The following CFAP69 variants were observed in gnomAD, a reference collection of about 807,000 sequenced individuals.
The protein encoded by CFAP69 is cilia and flagella associated protein 69.
CFAP69 carries 92 observed loss-of-function variants against 123.0 expected under a neutral mutation model. The ratio of observed to expected loss-of-function variants is 0.75; its 90% confidence interval spans 0.63 to 0.89. The LOEUF (loss-of-function observed/expected upper bound fraction) is 0.89, where lower values mean the gene tolerates loss of function less well. CFAP69 is among the 40% of genes least tolerant of loss of function. CFAP69 has a pLI of 0.00. For synonymous variants in CFAP69, 380 were observed against 364.3 expected, an observed-to-expected ratio of 1.04 and a Z score of -0.49; for missense variants, 1,067 against 1,096.9, an observed-to-expected ratio of 0.97 and a Z score of 0.39.
chr7:90,246,606 T>C (rs1358270520), intron 1 of CFAP69, among the ~76,000 whole-genome samples: 2 of 152,230 alleles, frequency 1.3e-5, no homozygotes, highest in Non-Finnish European at 2.9e-5. Context: ...CTAATCGATT[T>C]TGTGGACCTA....
In CFAP69 at chr7:90,268,346, A is replaced by G. The variant is rs764795583; in HGVS notation, c.494A>G (p.Asp165Gly). ...ATACAAATTTGTAAGTGTATTGTTG[A>G]TTTTTATCATGCAGAACCACCAAAG... ...LRIQICKCIV[D>G]FYHAEPPKKH... The change falls in exon 6 of 23, where the codon GAT (aspartate) becomes GGT (glycine). Residue 165 changes from aspartate to glycine, a missense_variant. Transcript: ENST00000389297. 5 of 1,610,594 alleles carry G rather than the reference A, an allele frequency of 3.1e-6. No individual in the cohort carries two copies. In the South Asian group the frequency reaches 5.5e-5, roughly 18 times the overall value.
Position 90,310,487 on chromosome 7 carries a change from C to T in CFAP69, c.*249C>T. ...CTAAGTGAAATTGTAAAACATAGTA[C>T]ATCAGTTAGGACTCTGTTGGTTGCA... On this transcript the variant is annotated 3_prime_UTR_variant, in exon 23 of 23. Coordinates refer to ENST00000389297, the MANE Select transcript of CFAP69 (RefSeq NM_001039706.3). 1 of 232,116 alleles carries T rather than the reference C, an allele frequency of 4.3e-6. No homozygotes were observed. Among genetic ancestry groups the T allele is most frequent in the Non-Finnish European group, 8.2e-6 (1 of 121,902 alleles). 14.4% of individuals were successfully genotyped at this position (232,116 alleles called of 1,614,324 possible). A position where few individuals can be genotyped will look rare whatever the true frequency, so the allele number is the denominator to read the frequency against.
the CFAP69 span, among the ~76,000 whole-genome samples, chr7:90,323,131 C>A: frequency 6.6e-6 from 1 of 152,158 alleles, no homozygotes; most frequent in Non-Finnish European, 1.5e-5. Context: ...CTGGCATTAT[C>A]TGTTTAATCT....
intron 14 of CFAP69, chr7:90,287,705 C>T (rs1584474875): frequency 1.0e-6 from 1 of 985,434 alleles, no homozygotes; most frequent in East Asian, 1.1e-4. Context: ...TAATCATAAT[C>T]TTGCTTACTG....
At chr7:90,296,571 A>AC (rs939037306) in intron 15 of CFAP69, among the ~76,000 whole-genome samples, 100 of 151,020 alleles carry the variant, frequency 6.6e-4, no homozygotes, top group African/African-American at 2.2e-3. Flanking sequence ...CAGGTGATCC[A>AC]CCCCCCTCAG....
At chr7:90,254,284 C>A (rs925932872) in intron 1 of CFAP69, among the ~76,000 whole-genome samples, 2 of 152,080 alleles carry the variant, frequency 1.3e-5, no homozygotes, top group African/African-American at 4.8e-5. Context: ...GCCTCCAGGT[C>A]TTTTCTTTTT....
At chr7:90,250,681 T>C (rs567538707) in intron 1 of CFAP69, among the ~76,000 whole-genome samples, 17 of 152,330 alleles carry the variant, frequency 1.1e-4, no homozygotes, top group African/African-American at 3.4e-4. Context: ...ATTTTGGTAT[T>C]TACATATGTA....
chr7:90,281,927 A>T (rs899451797), intron 12 of CFAP69, among the ~76,000 whole-genome samples: 2 of 152,216 alleles, frequency 1.3e-5, no homozygotes, highest in African/African-American at 4.8e-5. Context: ...AGAGAAGTAT[A>T]CAAGGACTAG....
Position 90,245,491 on chromosome 7 carries a change from A to T in CFAP69, c.67A>T (p.Ser23Cys). The stretch of plus-strand genomic sequence containing the variant: ...ATCCGGCATCAGGAACAAGTCTAGC[A>T]GTTCCAGTCAAATCCCGGTGGTTGG... ...QESGIRNKSS[S>C]SSQIPVVGVV... Residue 23 changes from serine (S) to cysteine (C), a missense_variant, in exon 1 of 23, where the codon AGT becomes TGT. Transcript: ENST00000389297. 1 of 1,543,266 alleles carries T rather than the reference A, an allele frequency of 6.5e-7. No individual in the cohort carries two copies. Among genetic ancestry groups the T allele is most frequent in the Non-Finnish European group, 8.7e-7 (1 of 1,147,976 alleles).
At chr7:90,296,350 C>T (rs562225662) in intron 15 of CFAP69, among the ~76,000 whole-genome samples, 228 of 151,620 alleles carry the variant, frequency 1.5e-3, no homozygotes, top group Non-Finnish European at 1.8e-3. Context: ...GTTGTTTAGA[C>T]GGGGTCTCAT....
rs749501634 is a variant in CFAP69, at chr7:90,307,771, C to T, written c.2467C>T (p.Gln823Ter). The T allele has an allele frequency of 1.3e-5, 20 of 1,576,782 alleles. No individual in the cohort carries two copies. The highest frequency in any genetic ancestry group is 1.6e-5 in the Non-Finnish European group (19 of 1,164,724). ...TTAATTATCTTTCTCATTTCAGATA[C>T]AGGCCACGCACAAGCAAAGAGAGCT... ...QNEQKVYAKI[Q>*]ATHKQRELAN... Residue 823 changes from glutamine to a stop codon, truncating the protein, a stop_gained, in exon 21 of 23, where the codon CAG (glutamine) becomes TAG (stop). Coordinates refer to ENST00000389297, the MANE Select transcript of CFAP69 (RefSeq NM_001039706.3). LOFTEE classifies it high-confidence loss of function.
In CFAP69 at chr7:90,250,714, C is replaced by T. The variant is rs1028768609; in HGVS notation, c.121-4709C>T. On this transcript the variant is annotated intron_variant, in intron 1 of 22. Coordinates refer to ENST00000389297, the MANE Select transcript of CFAP69 (RefSeq NM_001039706.3). ...GTATGTTCTGTTTTGTTTCTATTCT[C>T]TGCTTGTGTGATCTCATTTACCCAA... 2.1e-4 allele frequency among the ~76,000 whole-genome samples: 32 copies of T among 152,150 alleles called. 1 individual carries two copies. The highest frequency in any genetic ancestry group is 1.6e-3 in the Admixed American group (25 of 15,276).
chr7:90,306,114 T>TTTG (rs1793548047), intron 19 of CFAP69, among the ~76,000 whole-genome samples: 2 of 111,464 alleles, frequency 1.8e-5, no homozygotes, highest in Non-Finnish European at 3.7e-5. Flanking sequence ...AGCTTTTTAT[T>TTTG]GGGGGGGGGC....
chr7:90,294,110 A>G (rs1791587514), intron 15 of CFAP69, among the ~76,000 whole-genome samples: 1 of 152,094 alleles, frequency 6.6e-6, no homozygotes, highest in African/African-American at 2.4e-5. Flanking sequence ...TTTCTTTACA[A>G]CCTTCTTTGC....
chr7:90,304,564 C>T lies in CFAP69; in HGVS notation c.2189-180C>T, dbSNP rs1012750228. On this transcript the variant is annotated intron_variant, in intron 18 of 22. Transcript: ENST00000389297. ...GAAATGTGTTATAGAAAGAAGCCTA[C>T]TCACAAGCTACTCACAGAATTAACT... 28 of 1,375,512 alleles carry T rather than the reference C, an allele frequency of 2.0e-5. No homozygotes were observed. The African/African-American group carries it at 4.0e-4, about 20-fold the overall frequency. 85.2% of individuals were successfully genotyped at this position (1,375,512 alleles called of 1,614,324 possible). A position where few individuals can be genotyped will look rare whatever the true frequency, so the allele number is the denominator to read the frequency against.
chr7:90,302,160 T>C (rs1009801225), intron 17 of CFAP69: 7 of 152,254 alleles, frequency 4.6e-5, no homozygotes, highest in African/African-American at 1.7e-4. Context: ...TGCCCACTTT[T>C]GAATGGGGTT....
chr7:90,250,187 G>GGAGAGAGGGA (rs1796801712), intron 1 of CFAP69, among the ~76,000 whole-genome samples: 1 of 125,728 alleles, frequency 8.0e-6, no homozygotes, highest in Non-Finnish European at 1.7e-5. Flanking sequence ...TTTAAAGAGA[G>GGAGAGAGGGA]GAGAGAGAGA....
chr7:90,286,275 T>C lies in CFAP69; in HGVS notation c.1538-6T>C. The C allele has an allele frequency of 1.3e-6, 2 of 1,588,976 alleles. No individual in the cohort carries two copies. The highest frequency in any genetic ancestry group is 1.7e-6 in the Non-Finnish European group (2 of 1,164,310). ...ACTATACAGTCTTTAAATGTTTTCA[T>C]ACCAGGAATCTTTAAAAATATAATA... is the stretch of plus-strand genomic sequence containing the variant. On this transcript the variant is annotated splice_polypyrimidine_tract_variant and splice_region_variant and intron_variant, in intron 13 of 22. Transcript: ENST00000389297.
At chr7:90,268,931 A>G (rs1475292511) in intron 6 of CFAP69, 1 of 152,408 alleles carries the variant, frequency 6.6e-6, no homozygotes, top group East Asian at 1.9e-4. Flanking sequence ...TGTAATTTCT[A>G]ATCAATCTAG....
Sources: gnomAD v4.1 joint callset for allele counts (sites outside exome capture counted in the v4.1 genomes callset) on GRCh38, gnomAD v4.1.1 for gene constraint, MANE v1.5 for transcripts, NCBI Gene and HGNC (gene_info 2026-07-23, HGNC 2026-07-21) for gene names.